EPHA4: variants seen among roughly 807,000 people sequenced by gnomAD.
The protein encoded by EPHA4 is EPH receptor A4.
Under a neutral mutation model 108.3 loss-of-function variants are expected in EPHA4, and 19 were observed. The ratio of observed to expected loss-of-function variants is 0.18; its 90% CI spans 0.12 to 0.26. The LOEUF (loss-of-function observed/expected upper bound fraction) is 0.26. Among genes scored for constraint, EPHA4 ranks in the 10% least tolerant of loss-of-function variants. The pLI, the probability that EPHA4 is intolerant of heterozygous loss-of-function variation, is 1.00. For missense variants in EPHA4, 917 were observed against 1,254.0 expected (o/e 0.73, Z 4.06); for synonymous variants, 449 against 455.5 (o/e 0.99, Z 0.18).
intron 3 of EPHA4, among the ~76,000 whole-genome samples, chr2:221,558,589 T>G (rs1260184546): frequency 1.3e-5 from 2 of 152,128 alleles, no homozygotes; most frequent in African/African-American, 4.8e-5. Flanking sequence ...GTTAATTCAT[T>G]TCTGAAAGAT....
At chr2:221,570,980 C>G (rs1388994916) in intron 1 of EPHA4, among the ~76,000 whole-genome samples, 1 of 152,252 alleles carries the variant, frequency 6.6e-6, no homozygotes, top group East Asian at 1.9e-4. Context: ...GGATGTGAGA[C>G]TAGATGCACG....
chr2:221,504,334 TA>T (rs1396217857), intron 3 of EPHA4, among the ~76,000 whole-genome samples: 5 of 120,112 alleles, frequency 4.2e-5, no homozygotes, highest in African/African-American at 6.4e-5. Context: ...TGGCTTTGAA[TA>T]AAAAAAGATG....
intron 3 of EPHA4, among the ~76,000 whole-genome samples, chr2:221,557,474 T>C (rs1694339684): frequency 6.6e-6 from 1 of 152,208 alleles, no homozygotes; most frequent in African/African-American, 2.4e-5. Flanking sequence ...CATTCATGCA[T>C]ATATGTGTGT....
At chr2:221,508,305 G>A (rs149560089) in intron 3 of EPHA4, among the ~76,000 whole-genome samples, 2,046 of 152,262 alleles carry the variant, frequency 0.013, 27 homozygotes, top group Admixed American at 0.025. Context: ...GAGGCCGGGC[G>A]TGGTGGCTCA....
intron 3 of EPHA4, among the ~76,000 whole-genome samples, chr2:221,548,099 A>T (rs1339591350): frequency 6.6e-6 from 1 of 152,136 alleles, no homozygotes; most frequent in Non-Finnish European, 1.5e-5. Flanking sequence ...TGATCGGATC[A>T]TGGGGGCAGA....
chr2:221,433,948 T>A (rs1367279044), intron 14 of EPHA4, among the ~76,000 whole-genome samples, 194 bp downstream of exon 14: 1 of 152,232 alleles, frequency 6.6e-6, no homozygotes, highest in Non-Finnish European at 1.5e-5. Context: ...CTGTACCATG[T>A]AGGCCATTTA....
Position 221,429,947 on chromosome 2 carries a change from G to T in EPHA4, c.2690+11C>A. On this transcript the variant is annotated intron_variant, in intron 15 of 17. Transcript: ENST00000281821. ...TCTTTCATACATCACTATTAAGTAA[G>T]CATGGCTGACCTGGAGCTCTCCGTC... 6.2e-7 allele frequency: 1 copy of T among 1,613,448 alleles called. No homozygotes were observed. Among genetic ancestry groups the T allele is most frequent in the Non-Finnish European group, 8.5e-7 (1 of 1,179,760 alleles).
intron 7 of EPHA4, among the ~76,000 whole-genome samples, chr2:221,456,209 G>A (rs1353550593): frequency 6.8e-6 from 1 of 147,722 alleles, no homozygotes; most frequent in Non-Finnish European, 1.5e-5. Context: ...TGATTTAAAT[G>A]ATTCTTAAAA....
chr2:221,490,009 A>C (rs1019829696), intron 4 of EPHA4, among the ~76,000 whole-genome samples: 40 of 151,856 alleles, frequency 2.6e-4, no homozygotes, highest in Admixed American at 2.6e-3. Flanking sequence ...AGCCAGGTGT[A>C]GTGGCATGTT....
At chr2:221,517,034 C>T (rs1322996392) in intron 3 of EPHA4, among the ~76,000 whole-genome samples, 2 of 152,184 alleles carry the variant, frequency 1.3e-5, no homozygotes, top group African/African-American at 4.8e-5. Context: ...TATTGCTGAG[C>T]GCTCCTACGT....
chr2:221,502,855 AT>A lies in EPHA4; in HGVS notation c.824-1684del, dbSNP rs929824491. Among the ~76,000 whole-genome samples, 51 of 152,188 alleles carry A rather than the reference AT, an allele frequency of 3.4e-4. 1 individual carries two copies. Among genetic ancestry groups the A allele is most frequent in the South Asian group, 2.1e-4 (1 of 4,836 alleles). On this transcript the variant is annotated intron_variant, in intron 3 of 17. Coordinates refer to ENST00000281821, the MANE Select transcript of EPHA4 (RefSeq NM_004438.5). ...GTGCTGGGAGATCAATCTCTCCCTT[AT>A]TTGCTTTCGTCTTTCACTGGACCGG...
intron 4 of EPHA4, among the ~76,000 whole-genome samples, chr2:221,493,997 T>C (rs2106151434): frequency 6.6e-6 from 1 of 152,318 alleles, no homozygotes; most frequent in Non-Finnish European, 1.5e-5. Flanking sequence ...CATTCGAGGC[T>C]GTTTACTTGG....
intron 9 of EPHA4, among the ~76,000 whole-genome samples, chr2:221,443,997 T>C (rs921738934): frequency 2.3e-4 from 35 of 152,238 alleles, no homozygotes; most frequent in African/African-American, 8.4e-4. Flanking sequence ...AATAGAAGCA[T>C]TTTAATTTCA....
At chr2:221,530,216 A>T (rs978191770) in intron 3 of EPHA4, among the ~76,000 whole-genome samples, 1 of 150,540 alleles carries the variant, frequency 6.6e-6, no homozygotes, top group African/African-American at 2.4e-5. Context: ...CAAATCTTTT[A>T]CGATGTAATT....
intron 2 of EPHA4, among the ~76,000 whole-genome samples, chr2:221,567,714 G>T (rs1220950289): frequency 6.6e-6 from 1 of 152,150 alleles, no homozygotes; most frequent in African/African-American, 2.4e-5. Context: ...CAGACTCTAT[G>T]AATCTTTAAT....
At chr2:221,521,237 A>T (rs1693155932) in intron 3 of EPHA4, among the ~76,000 whole-genome samples, 1 of 152,208 alleles carries the variant, frequency 6.6e-6, no homozygotes, top group Non-Finnish European at 1.5e-5. Flanking sequence ...ATCCAACTTC[A>T]TTCCAAACCT....
At chr2:221,572,310 A>C, upstream of EPHA4, 1 of 1,462,972 alleles carries the variant, frequency 6.8e-7, no homozygotes, top group Non-Finnish European at 9.6e-7. Context: ...TGCTTAAGTT[A>C]GGAGAGCAGC....
At chr2:221,547,253 C>T (rs1282135030) in intron 3 of EPHA4, among the ~76,000 whole-genome samples, 1 of 152,170 alleles carries the variant, frequency 6.6e-6, no homozygotes, top group Non-Finnish European at 1.5e-5. Context: ...AAATCACATA[C>T]CCAACATTTA....
At chr2:221,430,731 C>G (rs1041980994) in intron 14 of EPHA4, among the ~76,000 whole-genome samples, 2 of 152,162 alleles carry the variant, frequency 1.3e-5, no homozygotes. Context: ...CTCTGAATTT[C>G]TTTCTTGGTC....
Sources: gnomAD v4.1 joint callset for allele counts (sites outside exome capture counted in the v4.1 genomes callset) on GRCh38, gnomAD v4.1.1 for gene constraint, MANE v1.5 for transcripts, NCBI Gene and HGNC (gene_info 2026-07-23, HGNC 2026-07-21) for gene names.